Variants in ACVR1 observed in about 807,000 individuals in gnomAD.
ACVR1 encodes the protein activin A receptor type 1.
In ACVR1, 38 loss-of-function variants were observed where a neutral mutation model predicts 57.1. The ratio of observed to expected loss-of-function variants is 0.67; its 90% CI spans 0.51 to 0.87. The LOEUF is 0.87. ACVR1 is among the 40% of genes least tolerant of loss of function. The pLI, the probability that ACVR1 is intolerant of heterozygous loss-of-function variation, is 0.00. For synonymous variants in ACVR1, 212 were observed against 228.1 expected (o/e 0.93, Z 0.63); for missense variants, 463 against 638.2 (o/e 0.73, Z 2.96).
rs1480212417 is a variant in ACVR1 at position 157,875,930 on chromosome 2, T to G, written c.-317A>C. Reference sequence around the variant, plus strand: ...CAGCCGGCGAGGGAGCCCGGAACTCTGCGGGGCCGGGAGCCGGGGGCCGAG... The same window carrying G: ...CAGCCGGCGAGGGAGCCCGGAACTCGGCGGGGCCGGGAGCCGGGGGCCGAG... On this transcript the variant is annotated 5_prime_UTR_variant, in exon 1 of 11. Transcript: ENST00000434821. 1 of 146,706 alleles carries G rather than the reference T, an allele frequency of 6.8e-6. No homozygotes were observed. The highest frequency in any genetic ancestry group is 2.0e-4 in the East Asian group (1 of 4,954). The allele number at this position is 146,706 out of a possible 1,614,324, so 9.1% of individuals were successfully genotyped here.
chr2:157,797,165 C>CT (rs1192029044), intron 3 of ACVR1, among the ~76,000 whole-genome samples: 1 of 152,114 alleles, frequency 6.6e-6, no homozygotes, highest in Admixed American at 6.5e-5. Flanking sequence ...CTATATGTGA[C>CT]TATCAGCTAC....
At chr2:157,869,028 A>G (rs1690030265) in intron 1 of ACVR1, among the ~76,000 whole-genome samples, 1 of 152,052 alleles carries the variant, frequency 6.6e-6, no homozygotes, top group Non-Finnish European at 1.5e-5. Flanking sequence ...CATCTTCCCC[A>G]CCTCCCTCTC....
At chr2:157,857,775 T>C (rs1427749583) in intron 1 of ACVR1, among the ~76,000 whole-genome samples, 1 of 152,200 alleles carries the variant, frequency 6.6e-6, no homozygotes, top group African/African-American at 2.4e-5. Context: ...GAAATTGAGA[T>C]TGTTGTGTCT....
chr2:157,773,829 A>G (rs1686164417), intron 6 of ACVR1, among the ~76,000 whole-genome samples: 1 of 152,204 alleles, frequency 6.6e-6, no homozygotes, highest in South Asian at 2.1e-4. Flanking sequence ...GCATTCTCTC[A>G]TCATCCCAAA....
chr2:157,825,930 C>T (rs1163524125), intron 1 of ACVR1, among the ~76,000 whole-genome samples: 6 of 152,196 alleles, frequency 3.9e-5, no homozygotes, highest in Non-Finnish European at 8.8e-5. Context: ...ATTAGATCGC[C>T]TTTCTGTCTG....
rs1280242153 is a variant in ACVR1, at chr2:157,803,364, A to G, written c.-7-3864T>C. Reference sequence around the variant, plus strand: ...AAAATCTGCCAAAAATCTTTGGGAAAAAAGTCAACTTACTGGTTGCCATTT... The same window carrying G: ...AAAATCTGCCAAAAATCTTTGGGAAGAAAGTCAACTTACTGGTTGCCATTT... On this transcript the variant is annotated intron_variant, in intron 2 of 10. Transcript: ENST00000434821. 2.0e-5 allele frequency among the ~76,000 whole-genome samples: 3 copies of G among 152,190 alleles called. No individual in the cohort carries two copies. In the South Asian group the frequency reaches 6.2e-4, roughly 31 times the overall value.
chr2:157,839,057 C>A (rs972469005), intron 1 of ACVR1, among the ~76,000 whole-genome samples: 1 of 152,162 alleles, frequency 6.6e-6, no homozygotes, highest in South Asian at 2.1e-4. Context: ...TGAGTGTCAG[C>A]AAAGGTTAAT....
At chr2:157,746,830 A>C (rs16842014) in intron 9 of ACVR1, among the ~76,000 whole-genome samples, 2,006 of 152,358 alleles carry the variant, frequency 0.013, 52 homozygotes, top group African/African-American at 0.045. Context: ...CCAATTCCAA[A>C]TTCAATGTCA....
intron 2 of ACVR1, among the ~76,000 whole-genome samples, chr2:157,816,931 T>G (rs1309038204): frequency 6.6e-6 from 1 of 151,960 alleles, no homozygotes; most frequent in Non-Finnish European, 1.5e-5. Flanking sequence ...CTTATCATAC[T>G]CTTAAAAGCA....
At chr2:157,870,347 G>A (rs1690077434) in intron 1 of ACVR1, among the ~76,000 whole-genome samples, 1 of 152,222 alleles carries the variant, frequency 6.6e-6, no homozygotes, top group South Asian at 2.1e-4. Flanking sequence ...CTTGCTTTTC[G>A]ATGGCATGGT....
At chr2:157,863,298 C>T (rs1689790493) in intron 1 of ACVR1, among the ~76,000 whole-genome samples, 5 of 142,810 alleles carry the variant, frequency 3.5e-5, no homozygotes, top group Admixed American at 2.8e-4. Flanking sequence ...CAGGCGTGAG[C>T]CACCATGCCC....
intron 2 of ACVR1, among the ~76,000 whole-genome samples, chr2:157,801,557 C>A (rs1305781559): frequency 6.6e-6 from 1 of 152,154 alleles, no homozygotes; most frequent in Non-Finnish European, 1.5e-5. Flanking sequence ...TCCCCAAATT[C>A]AAAATTTGAA....
At chr2:157,738,226 T>C (rs1181888538) in intron 10 of ACVR1, among the ~76,000 whole-genome samples, 1 of 152,206 alleles carries the variant, frequency 6.6e-6, no homozygotes, top group Non-Finnish European at 1.5e-5. Context: ...ATATTGTCAT[T>C]CACTAGCAAC....
At chr2:157,831,025 G>C (rs1688564393) in intron 1 of ACVR1, among the ~76,000 whole-genome samples, 1 of 152,068 alleles carries the variant, frequency 6.6e-6, no homozygotes, top group Admixed American at 6.6e-5. Flanking sequence ...TTGAATTCCT[G>C]GTCTCAAACA....
chr2:157,826,900 A>T (rs1052128016), intron 1 of ACVR1, among the ~76,000 whole-genome samples: 4 of 147,044 alleles, frequency 2.7e-5, no homozygotes, highest in Non-Finnish European at 4.5e-5. Context: ...GGAGGAAGGT[A>T]GGAAAAGAAA....
At chr2:157,778,041 C>T in intron 5 of ACVR1, 90 bp downstream of exon 5, 1 of 1,346,106 alleles carries the variant, frequency 7.4e-7, no homozygotes, top group East Asian at 2.3e-5. Flanking sequence ...TTCAGTCACT[C>T]ATTACTGGTT....
intron 1 of ACVR1, among the ~76,000 whole-genome samples, chr2:157,834,867 G>C (rs574690131): frequency 6.6e-6 from 1 of 152,176 alleles, no homozygotes; most frequent in South Asian, 2.1e-4. Context: ...CCTTATAAGA[G>C]AGACCCCAGA....
intron 8 of ACVR1, among the ~76,000 whole-genome samples, chr2:157,764,346 CTAT>C (rs898396698): frequency 1.0e-4 from 15 of 150,222 alleles, no homozygotes; most frequent in Middle Eastern, 3.2e-3. Context: ...CCACGCCCGG[CTAT>C]TATTATTATT....
chr2:157,829,590 C>T (rs1000491314), intron 1 of ACVR1, among the ~76,000 whole-genome samples: 1 of 152,122 alleles, frequency 6.6e-6, no homozygotes, highest in Admixed American at 6.5e-5. Context: ...CTCATAGGTA[C>T]CCTCACCCTA....
Sources: gnomAD v4.1 joint callset for allele counts (sites outside exome capture counted in the v4.1 genomes callset) on GRCh38, gnomAD v4.1.1 for gene constraint, MANE v1.5 for transcripts, NCBI Gene and HGNC (gene_info 2026-07-23, HGNC 2026-07-21) for gene names.